Variants in HSPG2 observed in about 807,000 individuals in gnomAD.
The protein encoded by HSPG2 is heparan sulfate proteoglycan 2, also known as basement membrane-specific heparan sulfate proteoglycan core protein.
A neutral mutation model predicts 526.6 loss-of-function variants in HSPG2; 278 were observed. That is an observed-to-expected ratio of 0.53 (90% CI 0.48 to 0.58). HSPG2 has a LOEUF of 0.58. HSPG2 is among the 20% of genes least tolerant of loss of function. HSPG2 has a pLI of 0.00. For synonymous variants in HSPG2, 2,465 were observed against 2,555.4 expected (o/e 0.96, Z 1.07); for missense variants, 5,354 against 6,099.5 (o/e 0.88, Z 4.07).
At chr1:21,829,262 A>T in intron 87 of HSPG2, 121 bp downstream of exon 87, 1 of 1,363,398 alleles carries the variant, frequency 7.3e-7, no homozygotes. Context: ...CGAAATGCAC[A>T]GGAAGAGGGG....
At chr1:21,856,141 C>A (rs908760340) in intron 44 of HSPG2, among the ~76,000 whole-genome samples, 2 of 152,136 alleles carry the variant, frequency 1.3e-5, no homozygotes, top group African/African-American at 4.8e-5. Flanking sequence ...AATTCCTACC[C>A]TGATCCACCA....
chr1:21,863,885 A>G (rs1428729253), intron 37 of HSPG2, among the ~76,000 whole-genome samples: 3 of 152,198 alleles, frequency 2.0e-5, no homozygotes, highest in African/African-American at 7.2e-5. Context: ...AAAATAGTAA[A>G]GAACCAAAGT....
intron 39 of HSPG2, 22 bp from the exon 40 acceptor site, chr1:21,860,257 G>A (rs752418873): frequency 5.6e-6 from 9 of 1,607,916 alleles, no homozygotes; most frequent in East Asian, 2.2e-5. Context: ...AACAAGGGCC[G>A]GCAATGTCAG....
intron 23 of HSPG2, 50 bp downstream of exon 23, chr1:21,876,179 C>T (rs758896572): frequency 6.4e-5 from 100 of 1,572,918 alleles, no homozygotes; most frequent in African/African-American, 5.8e-4. Flanking sequence ...CCTTTGCCTG[C>T]GCTGTTCCTG....
In HSPG2 at chr1:21,828,561, T is replaced by C. The variant is rs2097987275; in HGVS notation, c.12238-135A>G. 1 of 984,438 alleles carries C rather than the reference T, an allele frequency of 1.0e-6. No individual in the cohort carries two copies. The highest frequency in any genetic ancestry group is 1.5e-6 in the Non-Finnish European group (1 of 657,188). 61.0% of individuals were successfully genotyped at this position (984,438 alleles called of 1,614,324 possible). A position where few individuals can be genotyped will look rare whatever the true frequency, so the allele number is the denominator to read the frequency against. ...CCTGAGTGGTAGCATGGATTCTCGG[T>C]GTGGGGAGGGAGGCGCAGGAGTTGA... On this transcript the variant is annotated intron_variant, in intron 88 of 96. Transcript: ENST00000374695. The surrounding 1 kb of genome is among the most constrained non-coding windows in gnomAD (Gnocchi z 6.0).
rs369779309 is a variant in HSPG2, at chr1:21,839,458, C to T, written c.9802G>A (p.Val3268Ile). Residue 3268 changes from valine to isoleucine, a missense_variant, in exon 73 of 97, where the codon GTA becomes ATA. Coordinates refer to ENST00000374695, the MANE Select transcript of HSPG2 (RefSeq NM_005529.7). The surrounding 1 kb of genome is among the most constrained non-coding windows in gnomAD (Gnocchi z 4.5). ...TACTGGCCCGAGTCCTGCTGGGCTA[C>T]CCGGGGTATGATGAGTGTGTCACCT... is the stretch of plus-strand genomic sequence containing the variant. ...LEGDTLIIPR[V>I]AQQDSGQYIC... The T allele has an allele frequency of 1.2e-5, 19 of 1,614,064 alleles. No individual in the cohort carries two copies. The highest frequency in any genetic ancestry group is 1.1e-4 in the African/African-American group (8 of 75,038).
rs749999403 is a variant in HSPG2, at chr1:21,878,669, G to C, written c.2472-6C>G. 6.2e-7 allele frequency: 1 copy of C among 1,613,052 alleles called. No individual in the cohort carries two copies. Among genetic ancestry groups the C allele is most frequent in the Non-Finnish European group, 8.5e-7 (1 of 1,179,158 alleles). ...GGAAGCAAGTGTCTGAGAATCTGCA[G>C]GTATCAAGTGGACAGGGCATGGGGC... is the stretch of plus-strand genomic sequence containing the variant. On this transcript the variant is annotated splice_region_variant and splice_polypyrimidine_tract_variant and intron_variant, in intron 18 of 96. Coordinates refer to ENST00000374695, the MANE Select transcript of HSPG2 (RefSeq NM_005529.7).
chr1:21,878,167 TG>T lies in HSPG2; in HGVS notation c.2685+18del. The T allele has an allele frequency of 1.2e-6, 2 of 1,611,318 alleles. No individual in the cohort carries two copies. Among genetic ancestry groups the T allele is most frequent in the South Asian group, 1.1e-5 (1 of 90,886 alleles). ...GCTGGGCCCAAGGCCCCTGGGTGGG[TG>T]GCAGATGGCACGCGTACCTTACAGC... On this transcript the variant is annotated intron_variant, in intron 21 of 96. Transcript: ENST00000374695.
chr1:21,854,815 C>T (rs756815220), intron 48 of HSPG2, 33 bp downstream of exon 48: 2 of 1,612,912 alleles, frequency 1.2e-6, no homozygotes, highest in Non-Finnish European at 1.7e-6. Context: ...CTGGCTTGCC[C>T]TCCCCACCCC....
Position 21,828,943 on chromosome 1 carries a change from G to T in HSPG2, c.12129C>A (p.Ser4043Arg). ...RPVLRSSPGK[S>R]QGLNLHTLLY... The stretch of plus-strand genomic sequence containing the variant: ...GCAGGGTGTGCAGGTTGAGGCCCTG[G>T]CTCTTGCCGGGCGAGGAGCGCAGCA... Residue 4043 changes from serine to arginine, a missense_variant, in exon 88 of 97, where the codon AGC (serine) becomes AGA (arginine). Transcript: ENST00000374695. This position sits in a 1 kb window ranked among gnomAD's most constrained non-coding sequence, Gnocchi z 6.0. 6.4e-7 allele frequency: 1 copy of T among 1,574,648 alleles called. No homozygotes were observed. Among genetic ancestry groups the T allele is most frequent in the Non-Finnish European group, 8.6e-7 (1 of 1,160,212 alleles).
intron 86 of HSPG2, 24 bp from the exon 87 acceptor site, chr1:21,829,628 A>T (rs1281802181): frequency 1.3e-6 from 2 of 1,582,782 alleles, no homozygotes; most frequent in Admixed American, 1.7e-5. Context: ...AGCTCAGCTG[A>T]GGCAGTGGGG....
At chr1:21,909,635 G>A (rs1353785882) in intron 1 of HSPG2, among the ~76,000 whole-genome samples, 1 of 152,242 alleles carries the variant, frequency 6.6e-6, no homozygotes, top group Non-Finnish European at 1.5e-5. Context: ...TGAAGCTGAA[G>A]CCAGGGGCAG....
At chr1:21,913,374 T>A (rs1220039606) in intron 1 of HSPG2, among the ~76,000 whole-genome samples, 3 of 152,132 alleles carry the variant, frequency 2.0e-5, no homozygotes, top group Non-Finnish European at 2.9e-5. Context: ...AAGGGAGGGA[T>A]GCCGTGTCCT....
At chr1:21,843,182 G>C in intron 66 of HSPG2, 115 bp downstream of exon 66, 1 of 1,485,442 alleles carries the variant, frequency 6.7e-7, no homozygotes, top group Non-Finnish European at 9.4e-7. Context: ...TCCGTGGTAG[G>C]AAACCCCGCC....
rs770722198 is a variant in HSPG2 at position 21,828,938 on chromosome 1, C to A, written c.12134G>T (p.Gly4045Val). Residue 4045 changes from glycine to valine, a missense_variant, in exon 88 of 97, where the codon GGC (glycine) becomes GTC (valine). By Grantham distance (109) the Gly-to-Val change is moderately radical. Coordinates refer to ENST00000374695, the MANE Select transcript of HSPG2 (RefSeq NM_005529.7). This position sits in a 1 kb window ranked among gnomAD's most constrained non-coding sequence, Gnocchi z 6.0. ...VLRSSPGKSQ[G>V]LNLHTLLYLG... ...GTAGAGCAGGGTGTGCAGGTTGAGG[C>A]CCTGGCTCTTGCCGGGCGAGGAGCG... 6.4e-7 allele frequency: 1 copy of A among 1,573,010 alleles called. No individual in the cohort carries two copies. The highest frequency in any genetic ancestry group is 8.6e-7 in the Non-Finnish European group (1 of 1,159,262).
In HSPG2 at chr1:21,833,478, AG is replaced by A. The variant is rs780702334; in HGVS notation, c.10966del (p.Leu3656CysfsTer105). ...RQGKVKAFAH[L>X]QVPERVVPYF... is the part of the protein sequence containing the mutation. ...GGGTGGTGTCTTACCTGGCACCTGC[AG>A]GTGGGCAAAGGCTTTGACCTTGCCC... On this transcript the variant is annotated frameshift_variant, in exon 79 of 97. Transcript: ENST00000374695. LOFTEE classifies it high-confidence loss of function. 6.2e-7 allele frequency: 1 copy of A among 1,614,188 alleles called. No individual in the cohort carries two copies.
In HSPG2 at chr1:21,828,466, G is replaced by C; in HGVS notation, c.12238-40C>G. 1 of 1,603,372 alleles carries C rather than the reference G, an allele frequency of 6.2e-7. No homozygotes were observed. The highest frequency in any genetic ancestry group is 1.3e-5 in the African/African-American group (1 of 74,918). The stretch of plus-strand genomic sequence containing the variant: ...ACACCGAGGGACTAAAGGGGCCTGG[G>C]AGGCAGAGACCCAGGTGTACCAGCA... On this transcript the variant is annotated intron_variant, in intron 88 of 96. Transcript: ENST00000374695. The surrounding 1 kb of genome is among the most constrained non-coding windows in gnomAD (Gnocchi z 6.0).
Position 21,866,991 on chromosome 1 carries a change from G to C in HSPG2, c.4222-1182C>G, listed in dbSNP as rs142434893. Among the ~76,000 whole-genome samples, 321 of 152,148 alleles carry C rather than the reference G, an allele frequency of 2.1e-3. 2 individuals carry two copies. The highest frequency in any genetic ancestry group is 7.4e-3 in the African/African-American group (309 of 41,510). On this transcript the variant is annotated intron_variant, in intron 33 of 96. Transcript: ENST00000374695. ...TGCTTTGAATGCCAGAAAGTTCACA[G>C]CCATTTCTGGGACTGACTTTCTGGC... is the stretch of plus-strand genomic sequence containing the variant.
Position 21,847,903 on chromosome 1 carries a change from C to T in HSPG2, c.7873+55G>A, listed in dbSNP as rs761125385. On this transcript the variant is annotated intron_variant, in intron 60 of 96. Coordinates refer to ENST00000374695, the MANE Select transcript of HSPG2 (RefSeq NM_005529.7). The surrounding 1 kb of genome is among the most constrained non-coding windows in gnomAD (Gnocchi z 4.1). ...AGATAACAGTGATGGCACCGGGGAC[C>T]TCTCTGCCACCCTCTGCGCCACTTG... is the stretch of plus-strand genomic sequence containing the variant. The T allele has an allele frequency of 3.7e-6, 6 of 1,613,094 alleles. No individual in the cohort carries two copies. Among genetic ancestry groups the T allele is most frequent in the Non-Finnish European group, 3.4e-6 (4 of 1,180,008 alleles).
Sources: gnomAD v4.1 joint callset for allele counts (sites outside exome capture counted in the v4.1 genomes callset) on GRCh38, gnomAD v4.1.1 for gene constraint, Gnocchi (gnomAD v3.1) non-coding constraint, MANE v1.5 for transcripts, NCBI Gene and HGNC (gene_info 2026-07-23, HGNC 2026-07-21) for gene names.